The following TPO variants were observed in gnomAD, a reference collection of about 807,000 sequenced individuals.
TPO encodes thyroid peroxidase, also known as thyroid microsomal antigen.
In TPO, 78 loss-of-function variants were observed where a neutral mutation model predicts 96.9. The observed-to-expected ratio is 0.81, with a 90% CI of 0.67 to 0.97. The LOEUF (loss-of-function observed/expected upper bound fraction) is 0.97, where lower values mean the gene tolerates loss of function less well. Ranked by LOEUF, TPO falls within the 50% of genes least tolerant of loss-of-function variation. The pLI is 0.00. For missense variants in TPO, 1,252 were observed against 1,274.8 expected, an observed-to-expected ratio of 0.98 and a Z score of 0.27; for synonymous variants, 547 against 538.0, an observed-to-expected ratio of 1.02 and a Z score of -0.23.
intron 10 of TPO, among the ~76,000 whole-genome samples, chr2:1,491,391 G>A (rs1671760126): frequency 6.6e-6 from 1 of 152,144 alleles, no homozygotes; most frequent in South Asian, 2.1e-4. Context: ...AATAAGAAAG[G>A]AAATTACCCT....
chr2:1,420,072 A>C (rs1663351969), intron 2 of TPO, among the ~76,000 whole-genome samples: 1 of 152,216 alleles, frequency 6.6e-6, no homozygotes, highest in Admixed American at 6.5e-5. Flanking sequence ...GGAAGTTTTC[A>C]ATACAGAAAT....
chr2:1,445,487 C>G (rs61511090), intron 5 of TPO, among the ~76,000 whole-genome samples: 1 of 20,202 alleles, frequency 4.9e-5, no homozygotes, highest in Middle Eastern at 0.024. Context: ...AGGCACCATG[C>G]TGGAAGGGAA....
intron 2 of TPO, among the ~76,000 whole-genome samples, chr2:1,422,472 T>A (rs1044979280): frequency 2.7e-5 from 3 of 112,818 alleles, no homozygotes; most frequent in African/African-American, 6.8e-5. Flanking sequence ...ATTCCTTTGG[T>A]GAAGTATTGA....
At position 1,496,757 on chromosome 2, in the gene TPO, T is replaced by C. The variant is rs28991293; in HGVS notation, c.2378T>C (p.Leu793Pro). The C allele has an allele frequency of 6.2e-7, 1 of 1,614,144 alleles. No individual in the cohort carries two copies. Among genetic ancestry groups the C allele is most frequent in the South Asian group, 1.1e-5 (1 of 91,084 alleles). Residue 793 changes from leucine (L) to proline (P), a missense_variant, in exon 13 of 17, where the codon CTC becomes CCC. Transcript: ENST00000329066. The part of the protein sequence containing the change: ...TQEGWDFQPP[L>P]CKDVNECADG... ...GAAGGATGGGATTTCCAGCCTCCCCTCTGCAAAGGTCAGTCCTTTCTTCAA... is the reference window on the plus strand; with the variant it reads ...GAAGGATGGGATTTCCAGCCTCCCCCCTGCAAAGGTCAGTCCTTTCTTCAA...
At chr2:1,488,140 T>C in intron 10 of TPO, 149 bp downstream of exon 10, 1 of 1,157,710 alleles carries the variant, frequency 8.6e-7, no homozygotes, top group Non-Finnish European at 1.2e-6. Flanking sequence ...TCCAGTTCAT[T>C]CAGCTAAAGT....
At chr2:1,412,663 A>G (rs4927604), upstream of TPO, among the ~76,000 whole-genome samples, 85,905 of 152,058 alleles carry the variant, frequency 0.56, 24,626 homozygotes, top group Admixed American at 0.66. Flanking sequence ...CATTTGGAGA[A>G]GGGAAAGAAA....
chr2:1,515,296 A>C (rs543405970), intron 14 of TPO, among the ~76,000 whole-genome samples: 2 of 152,202 alleles, frequency 1.3e-5, no homozygotes, highest in African/African-American at 2.4e-5. Context: ...GAGGAGCGGC[A>C]TCCCAGGGCC....
chr2:1,496,683 C>T lies in TPO; in HGVS notation c.2304C>T (p.Cys768=). The change falls in exon 13 of 17, where the codon TGC becomes TGT. Residue 768 remains cysteine (C), a synonymous_variant. Transcript: ENST00000329066. ...GGAGGCGCGTGCTGGTGTATTCCTG[C>T]CGGCACGGGTATGAGCTCCAAGGCC... ...ESGRRVLVYS[C]RHGYELQGRE... 6.2e-7 allele frequency: 1 copy of T among 1,614,052 alleles called. No homozygotes were observed. Among genetic ancestry groups the T allele is most frequent in the Admixed American group, 1.7e-5 (1 of 60,020 alleles).
At chr2:1,422,395 G>GACCGACCTC (rs1163151839) in intron 2 of TPO, among the ~76,000 whole-genome samples, 1 of 151,562 alleles carries the variant, frequency 6.6e-6, no homozygotes, top group Admixed American at 6.6e-5. Context: ...CGCCGCGCTG[G>GACCGACCTC]GCCATGGGGA....
At chr2:1,419,769 C>A (rs958566755) in intron 2 of TPO, among the ~76,000 whole-genome samples, 2 of 152,308 alleles carry the variant, frequency 1.3e-5, no homozygotes, top group African/African-American at 2.4e-5. Flanking sequence ...AGAGTTCTAA[C>A]GATCCATTCG....
chr2:1,400,568 C>CAAAAAAAA (rs34242408), intron 1 of TPO, among the ~76,000 whole-genome samples: 804 of 71,558 alleles, frequency 0.011, 27 homozygotes, highest in South Asian at 0.039. Context: ...GACTCTGTCT[C>CAAAAAAAA]AAAAAAAAAA....
In TPO at chr2:1,395,491, A is replaced by G. The variant is rs141058113; in HGVS notation, n.180+21089A>G. Among the ~76,000 whole-genome samples, 480 of 152,328 alleles carry G rather than the reference A, an allele frequency of 3.2e-3. 4 individuals are homozygous for G. Among genetic ancestry groups the G allele is most frequent in the African/African-American group, 0.011 (438 of 41,568 alleles). Reference sequence around the variant, plus strand: ...ACATAAAAAATTGTTAAATAATGCTACGTATTTTTTGATAGATTTAAGATA... The same window carrying G: ...ACATAAAAAATTGTTAAATAATGCTGCGTATTTTTTGATAGATTTAAGATA... On this transcript the variant is annotated intron_variant and non_coding_transcript_variant, in intron 1 of 5. Coordinates refer to the TPO transcript ENST00000497517.
chr2:1,414,479 C>T lies in TPO; in HGVS notation c.71C>T (p.Ser24Leu), dbSNP rs781708047. 79 of 1,613,836 alleles carry T rather than the reference C, an allele frequency of 4.9e-5. No individual in the cohort carries two copies. Among genetic ancestry groups the T allele is most frequent in the East Asian group, 6.7e-5 (3 of 44,892 alleles). The change falls in exon 2 of 17, where the codon TCG (serine) becomes TTG (leucine). Residue 24 changes from serine (S) to leucine (L), a missense_variant. By Grantham distance (145) the Ser-to-Leu change is moderately radical (BLOSUM62 -2). Transcript: ENST00000329066. ...ACTEAFFPFI[S>L]RGKELLWGKP... is the part of the protein sequence containing the mutation. ...ACAGAAGCCTTCTTCCCCTTCATCTCGAGAGGGAAAGAACTCCTTTGGGGT... is the reference window on the plus strand; with the variant it reads ...ACAGAAGCCTTCTTCCCCTTCATCTTGAGAGGGAAAGAACTCCTTTGGGGT...
chr2:1,434,167 G>T (rs1665317759), intron 4 of TPO, among the ~76,000 whole-genome samples: 1 of 152,182 alleles, frequency 6.6e-6, no homozygotes. Flanking sequence ...CAGCTCTAAA[G>T]CACTCTATGG....
At position 1,481,555 on chromosome 2, in the gene TPO, C is replaced by T. The variant is rs371099816; in HGVS notation, c.1339-3041C>T. On this transcript the variant is annotated intron_variant, in intron 8 of 16. Coordinates refer to ENST00000329066, the MANE Select transcript of TPO (RefSeq NM_001206744.2). ...CAGACCCCGGAGGGACTGCAGATCT[C>T]CCTGGACATCCCCATCCCGGGCAGG... 2.0e-5 allele frequency among the ~76,000 whole-genome samples: 3 copies of T among 152,256 alleles called. No individual in the cohort carries two copies. In the East Asian group the frequency reaches 5.8e-4, roughly 30 times the overall value.
At chr2:1,508,860 A>G (rs1673764267) in intron 14 of TPO, among the ~76,000 whole-genome samples, 1 of 152,018 alleles carries the variant, frequency 6.6e-6, no homozygotes, top group Non-Finnish European at 1.5e-5. Flanking sequence ...TAATTTTTTG[A>G]AGGGTTTTAT....
intron 14 of TPO, among the ~76,000 whole-genome samples, chr2:1,515,075 A>C (rs113093216): frequency 7.9e-5 from 12 of 152,324 alleles, no homozygotes; most frequent in African/African-American, 2.4e-4. Context: ...TCAAACACCA[A>C]TTCCAGAATG....
intron 1 of TPO, among the ~76,000 whole-genome samples, chr2:1,408,254 T>C (rs1320893916): frequency 6.6e-6 from 1 of 152,204 alleles, no homozygotes; most frequent in African/African-American, 2.4e-5. Context: ...TGTAACTAGT[T>C]AGAGCATTTT....
intron 1 of TPO, among the ~76,000 whole-genome samples, chr2:1,399,397 ATG>A (rs1485657970): frequency 1.3e-5 from 2 of 152,254 alleles, no homozygotes; most frequent in African/African-American, 4.8e-5. Flanking sequence ...ACCTGAAGCC[ATG>A]GAGAGAACAA....
Sources: gnomAD v4.1 joint callset for allele counts (sites outside exome capture counted in the v4.1 genomes callset) on GRCh38, gnomAD v4.1.1 for gene constraint, MANE v1.5 for transcripts, NCBI Gene and HGNC (gene_info 2026-07-23, HGNC 2026-07-21) for gene names.